The following LRFN2 variants were observed in gnomAD, a reference collection of about 807,000 sequenced individuals.
LRFN2 encodes the protein leucine-rich repeat and fibronectin type-III domain-containing protein 2.
Under a neutral mutation model 37.3 loss-of-function variants are expected in LRFN2, and 18 were observed. The ratio of observed to expected loss-of-function variants is 0.48; its 90% CI spans 0.33 to 0.72. The LOEUF (loss-of-function observed/expected upper bound fraction) is 0.72, where lower values mean the gene tolerates loss of function less well. LRFN2 is among the 30% of genes least tolerant of loss of function. The pLI, the probability that LRFN2 is intolerant of heterozygous loss-of-function variation, is 0.02. For missense variants in LRFN2, 1,006 were observed against 1,060.7 expected (o/e 0.95, Z 0.72); for synonymous variants, 556 against 466.6 (o/e 1.19, Z -2.47).
chr6:40,396,685 T>C (rs1762620540), intron 2 of LRFN2, among the ~76,000 whole-genome samples: 2 of 117,406 alleles, frequency 1.7e-5, no homozygotes, highest in African/African-American at 3.1e-5. Flanking sequence ...ATTCCTCTGC[T>C]CTGTGTGTGT....
intron 1 of LRFN2, among the ~76,000 whole-genome samples, chr6:40,553,936 G>A (rs1766823218): frequency 6.6e-6 from 1 of 152,156 alleles, no homozygotes; most frequent in Non-Finnish European, 1.5e-5. Context: ...TTCCAGCCAT[G>A]AATACTGTTA....
At chr6:40,566,550 A>G (rs1195123190) in intron 1 of LRFN2, among the ~76,000 whole-genome samples, 1 of 151,914 alleles carries the variant, frequency 6.6e-6, no homozygotes, top group African/African-American at 2.4e-5. Context: ...AATACTATGC[A>G]GCCATAAAAA....
chr6:40,568,974 A>G (rs187817113), intron 1 of LRFN2, among the ~76,000 whole-genome samples: 112 of 152,286 alleles, frequency 7.4e-4, no homozygotes, highest in Non-Finnish European at 3.7e-4. Flanking sequence ...CCAAGACCAC[A>G]CAGAACCAGA....
At chr6:40,513,786 T>C (rs937583386) in intron 1 of LRFN2, among the ~76,000 whole-genome samples, 2 of 152,166 alleles carry the variant, frequency 1.3e-5, no homozygotes, top group Admixed American at 6.5e-5. Flanking sequence ...GAAGGTCTCA[T>C]CAAGATGAGG....
chr6:40,435,313 C>T (rs1397508573), intron 1 of LRFN2, among the ~76,000 whole-genome samples: 2 of 150,870 alleles, frequency 1.3e-5, no homozygotes, highest in Admixed American at 6.6e-5. Context: ...TGCCATCATG[C>T]CTGGCTAATT....
At chr6:40,513,954 G>T (rs996461398) in intron 1 of LRFN2, among the ~76,000 whole-genome samples, 1 of 151,988 alleles carries the variant, frequency 6.6e-6, no homozygotes, top group African/African-American at 2.4e-5. Context: ...TATCAGGAGG[G>T]GGCCTGGCCA....
chr6:40,410,167 G>A (rs1409645172), intron 2 of LRFN2, among the ~76,000 whole-genome samples: 2 of 152,148 alleles, frequency 1.3e-5, no homozygotes, highest in African/African-American at 4.8e-5. Flanking sequence ...GGGTGGGGGA[G>A]CAGAGCCGTC....
In LRFN2 at chr6:40,432,916, G is replaced by A; in HGVS notation, c.198C>T (p.His66=). The change falls in exon 2 of 3, where the codon CAC becomes CAT. Residue 66 remains histidine, a synonymous_variant. Coordinates refer to ENST00000338305, the MANE Select transcript of LRFN2 (RefSeq NM_020737.3). ...TGTTGGCAAAGTCCTGGCGGCTGAT[G>A]TGGATGATGAAGTTGCCGCCCAGGC... The part of the protein sequence containing the change: ...ELRLGGNFII[H]ISRQDFANMT... The A allele has an allele frequency of 6.2e-7, 1 of 1,614,210 alleles. No individual in the cohort carries two copies. Among genetic ancestry groups the A allele is most frequent in the South Asian group, 1.1e-5 (1 of 91,084 alleles).
intron 1 of LRFN2, among the ~76,000 whole-genome samples, chr6:40,586,583 G>A (rs907082845): frequency 6.6e-6 from 1 of 152,120 alleles, no homozygotes; most frequent in East Asian, 1.9e-4. Context: ...GTGCGGAGAT[G>A]CAACAGAGTG....
chr6:40,522,210 G>A (rs1766097253), intron 1 of LRFN2, among the ~76,000 whole-genome samples: 1 of 152,174 alleles, frequency 6.6e-6, no homozygotes, highest in African/African-American at 2.4e-5. Context: ...GGCAATGTGG[G>A]ACCGAAGGCC....
At chr6:40,506,560 AG>A (rs952713567) in intron 1 of LRFN2, among the ~76,000 whole-genome samples, 2 of 152,180 alleles carry the variant, frequency 1.3e-5, no homozygotes, top group Non-Finnish European at 2.9e-5. Flanking sequence ...TAGGATCATG[AG>A]GAAGGTGCAT....
chr6:40,428,615 G>T (rs1763409166), intron 2 of LRFN2, among the ~76,000 whole-genome samples: 1 of 152,238 alleles, frequency 6.6e-6, no homozygotes, highest in African/African-American at 2.4e-5. Flanking sequence ...CCAGAGGCCG[G>T]AGTTCAAATC....
chr6:40,530,557 C>T (rs1766325054), intron 1 of LRFN2, among the ~76,000 whole-genome samples: 2 of 151,956 alleles, frequency 1.3e-5, no homozygotes. Flanking sequence ...CTGAGTTTGT[C>T]CTCTCTCTGA....
At chr6:40,423,576 G>A (rs1347233863) in intron 2 of LRFN2, among the ~76,000 whole-genome samples, 2 of 152,204 alleles carry the variant, frequency 1.3e-5, no homozygotes, top group Admixed American at 1.3e-4. Context: ...CCCAGGACTA[G>A]TAAATGATGG....
chr6:40,418,489 T>C (rs1364309109), intron 2 of LRFN2, among the ~76,000 whole-genome samples: 1 of 152,188 alleles, frequency 6.6e-6, no homozygotes, highest in African/African-American at 2.4e-5. Flanking sequence ...GCTGTGCCTG[T>C]CTTTTCCCAA....
chr6:40,529,840 C>A (rs1581780485), intron 1 of LRFN2, among the ~76,000 whole-genome samples: 1 of 152,332 alleles, frequency 6.6e-6, no homozygotes, highest in Non-Finnish European at 1.5e-5. Flanking sequence ...AGTGCATGCT[C>A]AGCCTAGTGC....
intron 1 of LRFN2, among the ~76,000 whole-genome samples, chr6:40,495,699 A>T (rs1029173252): frequency 1.3e-5 from 2 of 152,096 alleles, no homozygotes; most frequent in Non-Finnish European, 2.9e-5. Flanking sequence ...CCCCAAAAGC[A>T]TGGGTTGTTC....
chr6:40,564,470 C>T (rs1767053513), intron 1 of LRFN2, among the ~76,000 whole-genome samples: 1 of 152,178 alleles, frequency 6.6e-6, no homozygotes, highest in Admixed American at 6.5e-5. Flanking sequence ...TTGAGATCTC[C>T]TTCACATTCA....
At chr6:40,552,285 C>G (rs544907143) in intron 1 of LRFN2, among the ~76,000 whole-genome samples, 6 of 152,322 alleles carry the variant, frequency 3.9e-5, no homozygotes, top group African/African-American at 1.2e-4. Flanking sequence ...GTTCTCAAAT[C>G]TTAATGTGCA....
Sources: gnomAD v4.1 joint callset for allele counts (sites outside exome capture counted in the v4.1 genomes callset) on GRCh38, gnomAD v4.1.1 for gene constraint, MANE v1.5 for transcripts, NCBI Gene and HGNC (gene_info 2026-07-23, HGNC 2026-07-21) for gene names.